The following CSNK1G1 variants were observed in gnomAD, a reference collection of about 807,000 sequenced individuals.
CSNK1G1 encodes the protein casein kinase I isoform gamma-1.
A neutral mutation model predicts 59.6 loss-of-function variants in CSNK1G1; 22 were observed. The observed-to-expected ratio is 0.37, with a 90% CI of 0.26 to 0.53. The LOEUF is 0.53. Ranked by LOEUF, CSNK1G1 falls within the 20% of genes least tolerant of loss-of-function variation. The probability of loss-of-function intolerance (pLI) is 0.89; values close to 1 mark genes in which losing one functional copy is unlikely to be tolerated. For missense variants in CSNK1G1, 384 were observed against 519.5 expected (o/e 0.74, Z 2.54); for synonymous variants, 179 against 177.1 (o/e 1.01, Z -0.08).
intron 4 of CSNK1G1, among the ~76,000 whole-genome samples, chr15:64,244,027 G>T (rs1891619314): frequency 6.6e-6 from 1 of 150,874 alleles, no homozygotes. Context: ...AAACTAGCTG[G>T]GTGTGGTGGT....
chr15:64,198,641 T>C (rs2140239987), intron 10 of CSNK1G1, among the ~76,000 whole-genome samples: 1 of 152,080 alleles, frequency 6.6e-6, no homozygotes, highest in South Asian at 2.1e-4. Flanking sequence ...CTTTTGCTAA[T>C]TTCAAAACTT....
rs1351411131 is a variant in CSNK1G1, at chr15:64,245,713, TG to T, written c.292+5798del. ...TGAGCCCAGGAGTTTGAGACCTGAC[TG>T]GGCAGTATAGCGAGACCCCGGTTCT... On this transcript the variant is annotated intron_variant, in intron 4 of 11. Transcript: ENST00000303052. Among the ~76,000 whole-genome samples, 3 of 150,538 alleles carry T rather than the reference TG, an allele frequency of 2.0e-5. 1 individual carries two copies. The highest frequency in any genetic ancestry group is 2.0e-4 in the Admixed American group (3 of 15,116).
chr15:64,220,121 GTC>G (rs2082367627), intron 4 of CSNK1G1, among the ~76,000 whole-genome samples: 1 of 148,468 alleles, frequency 6.7e-6, no homozygotes, highest in Non-Finnish European at 1.5e-5. Context: ...TTGAGACAGA[GTC>G]TTGCTCTGTT....
In CSNK1G1 at chr15:64,338,713, A is replaced by AC. The variant is rs1461870285; in HGVS notation, c.-225+17274_-225+17275insG. 1.5e-4 allele frequency among the ~76,000 whole-genome samples: 20 copies of AC among 137,084 alleles called. No individual in the cohort carries two copies. The East Asian group carries it at 1.5e-3, about 10-fold the overall frequency. 89.9% of individuals were successfully genotyped at this position (137,084 alleles called of 152,430 possible). A position where few individuals can be genotyped will look rare whatever the true frequency, so the allele number is the denominator to read the frequency against. On this transcript the variant is annotated intron_variant, in intron 1 of 11. Transcript: ENST00000303052. ...GAAACTCGGTCTCAAAAAAAAAAAAAAAAAAAAAAAAAAAACACTTCTGGC... is the reference window on the plus strand; with the variant it reads ...GAAACTCGGTCTCAAAAAAAAAAAAACAAAAAAAAAAAAAAACACTTCTGGC...
At chr15:64,354,064 G>A (rs1000415330) in intron 1 of CSNK1G1, among the ~76,000 whole-genome samples, 3 of 152,122 alleles carry the variant, frequency 2.0e-5, no homozygotes, top group Non-Finnish European at 2.9e-5. Flanking sequence ...CCAGCACTTT[G>A]GGAGACCAAG....
intron 7 of CSNK1G1, among the ~76,000 whole-genome samples, chr15:64,205,172 T>C (rs2082160266): frequency 6.6e-6 from 1 of 152,214 alleles, no homozygotes; most frequent in Non-Finnish European, 1.5e-5. Flanking sequence ...AAATATTTAG[T>C]TGTCTCAGAT....
intron 1 of CSNK1G1, among the ~76,000 whole-genome samples, chr15:64,313,833 T>C (rs1896126637): frequency 6.8e-6 from 1 of 147,902 alleles, no homozygotes; most frequent in Non-Finnish European, 1.5e-5. Context: ...TTTTTTTTAA[T>C]CTTAAAAATA....
intron 2 of CSNK1G1, among the ~76,000 whole-genome samples, chr15:64,276,132 G>A (rs1893602123): frequency 6.6e-6 from 1 of 152,106 alleles, no homozygotes; most frequent in African/African-American, 2.4e-5. Flanking sequence ...GGGAGAAGTT[G>A]AAAGTCATTT....
rs1385067613 is a variant in CSNK1G1, at chr15:64,331,780, C to T, written c.-225+24208G>A. ...AGAAAATTTTCGCAACCTACTCATC[C>T]GACAAAGGGCTAATATCCAGAATCT... On this transcript the variant is annotated intron_variant, in intron 1 of 11. Coordinates refer to ENST00000303052, the MANE Select transcript of CSNK1G1 (RefSeq NM_022048.5). 2.1e-3 allele frequency among the ~76,000 whole-genome samples: 319 copies of T among 149,614 alleles called. 1 individual carries two copies. The highest frequency in any genetic ancestry group is 0.021 in the East Asian group (104 of 4,890).
intron 4 of CSNK1G1, among the ~76,000 whole-genome samples, chr15:64,244,724 A>C (rs1174170626): frequency 6.6e-6 from 1 of 151,988 alleles, no homozygotes; most frequent in East Asian, 1.9e-4. Context: ...CTCTACAAAA[A>C]ATTAGCAGGG....
chr15:64,203,788 A>G (rs982399551), intron 9 of CSNK1G1, among the ~76,000 whole-genome samples: 2 of 151,390 alleles, frequency 1.3e-5, no homozygotes, highest in Admixed American at 6.6e-5. Context: ...AAAGCTTCCT[A>G]TGATGCTGGG....
chr15:64,311,265 C>T (rs985375061), intron 1 of CSNK1G1, among the ~76,000 whole-genome samples: 5 of 151,538 alleles, frequency 3.3e-5, no homozygotes, highest in African/African-American at 9.7e-5. Context: ...AGGTTAGTCG[C>T]GAACTCCTGT....
chr15:64,173,485 T>A (rs910325047), intron 11 of CSNK1G1, among the ~76,000 whole-genome samples: 4 of 152,226 alleles, frequency 2.6e-5, no homozygotes, highest in Non-Finnish European at 5.9e-5. Flanking sequence ...AAGTGTCATA[T>A]GTATTTGGAA....
chr15:64,180,169 C>G (rs1247431682), intron 11 of CSNK1G1, 179 bp downstream of exon 11: 18 of 574,518 alleles, frequency 3.1e-5, no homozygotes, highest in Non-Finnish European at 5.0e-5. Context: ...CCCGAAATCA[C>G]AGCTAAAGAA....
At position 64,176,264 on chromosome 15, in the gene CSNK1G1, C is replaced by G. The variant is rs2081740187; in HGVS notation, c.1214+4084G>C. The G allele has an allele frequency of 5.0e-6, 2 of 398,838 alleles. No individual in the cohort carries two copies. Among genetic ancestry groups the G allele is most frequent in the Non-Finnish European group, 8.8e-6 (2 of 226,092 alleles). The allele number at this position is 398,838 out of a possible 1,614,324, so 24.7% of individuals were successfully genotyped here. ...ATGGACTGGAGAGAGGGACTCACCA[C>G]AGGTTGAGCATTTTCAGGCAGCTAC... On this transcript the variant is annotated intron_variant, in intron 11 of 11. Transcript: ENST00000303052. The surrounding 1 kb of genome is among the most constrained non-coding windows in gnomAD (Gnocchi z 5.2).
intron 11 of CSNK1G1, among the ~76,000 whole-genome samples, chr15:64,179,318 A>C (rs1232730242): frequency 1.3e-5 from 2 of 152,196 alleles, no homozygotes; most frequent in South Asian, 4.1e-4. Context: ...TACAAAGTAC[A>C]TCTGGAAGGT....
intron 11 of CSNK1G1, among the ~76,000 whole-genome samples, chr15:64,175,395 G>A (rs189132447): frequency 1.3e-5 from 2 of 152,264 alleles, no homozygotes; most frequent in Admixed American, 1.3e-4. Context: ...TGCGGACAAT[G>A]TGGGAGAGTT....
chr15:64,224,751 C>G (rs959611905), intron 4 of CSNK1G1, among the ~76,000 whole-genome samples: 2 of 152,110 alleles, frequency 1.3e-5, no homozygotes, highest in African/African-American at 4.8e-5. Flanking sequence ...ACATAGGCTG[C>G]TAACACGAGC....
Position 64,210,244 on chromosome 15 carries a change from G to A in CSNK1G1, c.680-2650C>T, listed in dbSNP as rs180878546. Among the ~76,000 whole-genome samples, 166 of 152,190 alleles carry A rather than the reference G, an allele frequency of 1.1e-3. 1 individual carries two copies. The highest frequency in any genetic ancestry group is 3.4e-3 in the Middle Eastern group (1 of 294). On this transcript the variant is annotated intron_variant, in intron 6 of 11. Transcript: ENST00000303052. This position sits in a 1 kb window ranked among gnomAD's most constrained non-coding sequence, Gnocchi z 4.2. ...AGCATGGTCAAGTCACCTACTTTGG[G>A]TCTCAGTTTCCTCATCTGAAAATAA...
Sources: allele counts gnomAD v4.1 joint callset (sites outside exome capture counted in the v4.1 genomes callset), GRCh38; gene constraint gnomAD v4.1.1; non-coding constraint Gnocchi (gnomAD v3.1); transcripts MANE v1.5; gene names NCBI Gene and HGNC (gene_info 2026-07-23, HGNC 2026-07-21).